Variants in ARHGAP32 observed in about 807,000 individuals in gnomAD.
ARHGAP32 encodes the protein rho GTPase-activating protein 32.
A neutral mutation model predicts 186.5 loss-of-function variants in ARHGAP32; 51 were observed. The observed-to-expected ratio is 0.27, with a 90% CI of 0.22 to 0.35. The LOEUF is 0.35. Ranked by LOEUF, ARHGAP32 falls within the 10% of genes least tolerant of loss-of-function variation. The pLI, the probability that ARHGAP32 is intolerant of heterozygous loss-of-function variation, is 1.00. For synonymous variants in ARHGAP32, 950 were observed against 964.3 expected, an observed-to-expected ratio of 0.99 and a Z score of 0.27; for missense variants, 2,186 against 2,623.5, an observed-to-expected ratio of 0.83 and a Z score of 3.64.
chr11:129,180,100 A>G (rs1344825607), intron 1 of ARHGAP32, among the ~76,000 whole-genome samples: 3 of 152,174 alleles, frequency 2.0e-5, no homozygotes, highest in Admixed American at 6.5e-5. Context: ...GTGTATTTAC[A>G]TATACCACTA....
intron 15 of ARHGAP32, among the ~76,000 whole-genome samples, chr11:128,985,147 T>G (rs540265360): frequency 3.1e-4 from 47 of 152,222 alleles, no homozygotes; most frequent in Non-Finnish European, 5.7e-4. Context: ...AGCCCCCGAG[T>G]AGCTGGGATT....
chr11:129,110,194 A>G (rs942595906), intron 5 of ARHGAP32, among the ~76,000 whole-genome samples: 1 of 152,112 alleles, frequency 6.6e-6, no homozygotes. Context: ...TTTATTGAAG[A>G]GGGTGTGTCC....
intron 6 of ARHGAP32, among the ~76,000 whole-genome samples, chr11:129,077,438 T>C (rs778410488): frequency 6.6e-6 from 1 of 152,008 alleles, no homozygotes; most frequent in Non-Finnish European, 1.5e-5. Flanking sequence ...TGACAGGATA[T>C]AAACTTGGTG....
At chr11:129,129,388 C>A (rs555316662) in intron 2 of ARHGAP32, among the ~76,000 whole-genome samples, 77 of 151,836 alleles carry the variant, frequency 5.1e-4, no homozygotes, top group East Asian at 2.4e-3. Flanking sequence ...CCCCTCCGCC[C>A]GGCAGCCGCC....
chr11:129,140,097 A>G (rs762562431), intron 2 of ARHGAP32, among the ~76,000 whole-genome samples: 119 of 152,342 alleles, frequency 7.8e-4, no homozygotes, highest in Non-Finnish European at 1.4e-3. Context: ...TCCAGCTGGT[A>G]GCAGAAGGGA....
intron 5 of ARHGAP32, among the ~76,000 whole-genome samples, chr11:129,103,299 G>A (rs1324634384): frequency 3.3e-5 from 5 of 152,094 alleles, no homozygotes; most frequent in Non-Finnish European, 7.4e-5. Flanking sequence ...ACTGGCAACA[G>A]TAAATGAAAG....
At chr11:129,037,797 T>C (rs552430250) in intron 11 of ARHGAP32, among the ~76,000 whole-genome samples, 23 of 151,784 alleles carry the variant, frequency 1.5e-4, no homozygotes, top group South Asian at 1.0e-3. Context: ...CAGGGTACTA[T>C]TGGCATAAGA....
At chr11:128,981,388 C>G (rs1945702271) in intron 17 of ARHGAP32, 28 bp downstream of exon 17, 2 of 1,555,816 alleles carry the variant, frequency 1.3e-6, no homozygotes, top group African/African-American at 1.4e-5. Flanking sequence ...ACACACCCTC[C>G]TGGTAGGAAG....
chr11:128,971,201 C>T (rs1945361509), intron 22 of ARHGAP32, 42 bp from the exon 23 acceptor site: 5 of 1,512,716 alleles, frequency 3.3e-6, no homozygotes, highest in Non-Finnish European at 4.5e-6. Context: ...TTTTTGTTCC[C>T]TCTATGAATC....
intron 6 of ARHGAP32, among the ~76,000 whole-genome samples, chr11:129,085,883 A>G (rs1156295598): frequency 6.6e-6 from 1 of 151,896 alleles, no homozygotes; most frequent in Non-Finnish European, 1.5e-5. Context: ...AGTCCCAGCT[A>G]CTCGGGAGGC....
In ARHGAP32 at chr11:129,158,812, G is replaced by A. The variant is rs547369614; in HGVS notation, c.225+5507C>T. Among the ~76,000 whole-genome samples the A allele has an allele frequency of 1.7e-4, 26 of 152,246 alleles. No homozygotes were observed. The East Asian group carries it at 4.8e-3, about 28-fold the overall frequency. Reference sequence around the variant, plus strand: ...TCTAAAACTGACCACATAATTGGAAGTAAAACACTCCTCAGCAAATGCAAA... The same window carrying A: ...TCTAAAACTGACCACATAATTGGAAATAAAACACTCCTCAGCAAATGCAAA... On this transcript the variant is annotated intron_variant, in intron 2 of 22. Transcript: ENST00000682385.
Position 128,973,380 on chromosome 11 carries a change from A to G in ARHGAP32, c.3126T>C (p.Ser1042=). 6.2e-7 allele frequency: 1 copy of G among 1,614,100 alleles called. No individual in the cohort carries two copies. Among genetic ancestry groups the G allele is most frequent in the Admixed American group, 1.7e-5 (1 of 60,022 alleles). The change falls in exon 22 of 23, where the codon TCT becomes TCC. Residue 1042 remains serine, a synonymous_variant. Coordinates refer to ENST00000682385, the MANE Select transcript of ARHGAP32 (RefSeq NM_001378024.1). ...TCGGAGGCGGTGGTGGTGGGATAAG[A>G]GAGACTGAACTGACAGGAACGGAAT... The part of the protein sequence containing the change: ...PQDSVPVSSV[S]LIPPPPPPKN...
intron 1 of ARHGAP32, among the ~76,000 whole-genome samples, chr11:129,213,345 G>A (rs368312353): frequency 1.4e-4 from 22 of 152,262 alleles, no homozygotes; most frequent in Non-Finnish European, 2.2e-4. Context: ...AAGGAACATA[G>A]CTTGCCACCT....
upstream of ARHGAP32, among the ~76,000 whole-genome samples, chr11:129,193,011 T>TA (rs921196048): frequency 2.0e-5 from 3 of 152,044 alleles, no homozygotes; most frequent in African/African-American, 7.2e-5. Context: ...ACACAACTGT[T>TA]ACTTAGAAAA....
chr11:129,164,223 AT>A (rs1591663529), intron 2 of ARHGAP32, 95 bp downstream of exon 2: 2 of 740,572 alleles, frequency 2.7e-6, no homozygotes, highest in East Asian at 5.5e-5. Flanking sequence ...AAGCAACAAA[AT>A]TTTTTGTGTA....
At chr11:129,155,579 AT>A (rs1474337241) in intron 2 of ARHGAP32, among the ~76,000 whole-genome samples, 3 of 152,226 alleles carry the variant, frequency 2.0e-5, no homozygotes, top group Admixed American at 2.0e-4. Context: ...TTCATAAAAA[AT>A]AACAAGATTG....
At chr11:129,259,993 G>C (rs887037329) in intron 1 of ARHGAP32, among the ~76,000 whole-genome samples, 22 of 152,100 alleles carry the variant, frequency 1.4e-4, no homozygotes, top group African/African-American at 5.3e-4. Flanking sequence ...ACAATCCCTT[G>C]TTCAGATGCA....
At chr11:129,197,450 G>A (rs994750457) in intron 1 of ARHGAP32, among the ~76,000 whole-genome samples, 2 of 152,096 alleles carry the variant, frequency 1.3e-5, no homozygotes, top group African/African-American at 4.8e-5. Context: ...GTTCAATACA[G>A]TGCATGGCAC....
intron 1 of ARHGAP32, among the ~76,000 whole-genome samples, chr11:129,184,053 G>A (rs1342784509): frequency 1.3e-5 from 2 of 152,042 alleles, no homozygotes; most frequent in African/African-American, 4.8e-5. Flanking sequence ...AAAAGCAAGT[G>A]GTATCATACT....
Sources: gnomAD v4.1 joint callset for allele counts (sites outside exome capture counted in the v4.1 genomes callset) on GRCh38, gnomAD v4.1.1 for gene constraint, MANE v1.5 for transcripts, NCBI Gene and HGNC (gene_info 2026-07-23, HGNC 2026-07-21) for gene names.